Variants in RAB6B observed in about 807,000 individuals in gnomAD.
RAB6B encodes RAB6B, member RAS oncogene family, also known as ras-related protein Rab-6B.
A neutral mutation model predicts 31.2 loss-of-function variants in RAB6B; 7 were observed. That is an observed-to-expected ratio of 0.22 (90% CI 0.13 to 0.42). The LOEUF (loss-of-function observed/expected upper bound fraction) is 0.42, where lower values mean the gene tolerates loss of function less well. Ranked by LOEUF, RAB6B falls within the 10% of genes least tolerant of loss-of-function variation. The pLI is 1.00. For synonymous variants in RAB6B, 105 were observed against 104.9 expected, an observed-to-expected ratio of 1.00 and a Z score of -0.01; for missense variants, 149 against 280.6, an observed-to-expected ratio of 0.53 and a Z score of 3.35.
intron 7 of RAB6B, 42 bp downstream of exon 7, chr3:133,834,533 T>C: frequency 4.5e-6 from 7 of 1,570,880 alleles, no homozygotes; most frequent in Non-Finnish European, 6.1e-6. Context: ...AATAAATGGC[T>C]TCTATACATC....
chr3:133,849,951 C>G (rs1264189244), intron 2 of RAB6B, among the ~76,000 whole-genome samples: 1 of 152,130 alleles, frequency 6.6e-6, no homozygotes, highest in Non-Finnish European at 1.5e-5. Flanking sequence ...AAATAAGGCA[C>G]AAACAGTCTT....
intron 1 of RAB6B, among the ~76,000 whole-genome samples, chr3:133,884,847 C>T (rs1366122543): frequency 2.1e-5 from 3 of 143,614 alleles, no homozygotes; most frequent in African/African-American, 7.8e-5. Context: ...GGATGGGGGG[C>T]TCACACACCA....
At position 133,841,603 on chromosome 3, in the gene RAB6B, T is replaced by C. The variant is rs1039803494; in HGVS notation, c.183+7A>G. 1.2e-6 allele frequency: 2 copies of C among 1,612,590 alleles called. No individual in the cohort carries two copies. Among genetic ancestry groups the C allele is most frequent in the Non-Finnish European group, 1.7e-6 (2 of 1,179,378 alleles). ...TGCCCCTCCCAGTCCTGATATTAGG[T>C]GCTCACCGTGCGGTCCTCCAAGTAC... On this transcript the variant is annotated splice_region_variant and intron_variant, in intron 3 of 7. Transcript: ENST00000285208.
At chr3:133,889,391 TATATATATA>T (rs1936599356) in intron 1 of RAB6B, among the ~76,000 whole-genome samples, 643 of 33,982 alleles carry the variant, frequency 0.019, 57 homozygotes, top group East Asian at 0.051. Context: ...TATTTTGTTA[TATATATATA>T]TATATATATA....
At chr3:133,836,951 C>G (rs1935745342) in intron 6 of RAB6B, among the ~76,000 whole-genome samples, 1 of 152,214 alleles carries the variant, frequency 6.6e-6, no homozygotes, top group Non-Finnish European at 1.5e-5. Flanking sequence ...CCACACAGGG[C>G]AAACCATCAC....
chr3:133,858,059 A>G (rs1347199191), intron 2 of RAB6B, among the ~76,000 whole-genome samples: 1 of 151,962 alleles, frequency 6.6e-6, no homozygotes, highest in Non-Finnish European at 1.5e-5. Flanking sequence ...CAAACTCCTT[A>G]TCTTTGATCC....
chr3:133,839,384 C>A, intron 5 of RAB6B, 122 bp downstream of exon 5: 1 of 841,964 alleles, frequency 1.2e-6, no homozygotes, highest in Non-Finnish European at 2.0e-6. Flanking sequence ...CTCAAGGGAC[C>A]TTTTCCGGAT....
intron 2 of RAB6B, among the ~76,000 whole-genome samples, chr3:133,857,293 C>T (rs1056260323): frequency 5.3e-5 from 8 of 151,938 alleles, no homozygotes; most frequent in African/African-American, 9.7e-5. Context: ...AGGTGATAGA[C>T]GGGCTAAATT....
chr3:133,872,881 G>A (rs1186733103), intron 1 of RAB6B, among the ~76,000 whole-genome samples: 1 of 152,214 alleles, frequency 6.6e-6, no homozygotes, highest in East Asian at 1.9e-4. Flanking sequence ...GGGATCCAGA[G>A]AAGATGGAAA....
intron 2 of RAB6B, among the ~76,000 whole-genome samples, chr3:133,863,689 C>G (rs183761460): frequency 2.0e-5 from 3 of 152,236 alleles, no homozygotes; most frequent in Non-Finnish European, 4.4e-5. Context: ...CCCACCACCC[C>G]CTACCTCAAC....
In RAB6B at chr3:133,835,627, G is replaced by C. The variant is rs1391589227; in HGVS notation, c.496-986C>G. Among the ~76,000 whole-genome samples the C allele has an allele frequency of 3.9e-5, 6 of 152,050 alleles. No individual in the cohort carries two copies. In the East Asian group the frequency reaches 5.8e-4, roughly 15 times the overall value. On this transcript the variant is annotated intron_variant, in intron 6 of 7. Transcript: ENST00000285208. The stretch of plus-strand genomic sequence containing the variant: ...AGGCACAGAAGACTCTGAACTGCTA[G>C]GTTCTGAATGCCGGTCCCCCTGCAA...
At position 133,841,382 on chromosome 3, in the gene RAB6B, C is replaced by T. The variant is rs1485110148; in HGVS notation, c.192G>A (p.Leu64=). 2 of 1,614,120 alleles carry T rather than the reference C, an allele frequency of 1.2e-6. No individual in the cohort carries two copies. The highest frequency in any genetic ancestry group is 1.7e-5 in the Admixed American group (1 of 60,032). ...CCTGACCAGCTGTGTCCCAGAGCTGCAGTCGCACCTGTCTCAGGGAGGGCA... is the reference window on the plus strand; with the variant it reads ...CCTGACCAGCTGTGTCCCAGAGCTGTAGTCGCACCTGTCTCAGGGAGGGCA... ...TMYLEDRTVR[L]QLWDTAGQER... Residue 64 remains leucine (L), a synonymous_variant, in exon 4 of 8, where the codon CTG becomes CTA. Coordinates refer to ENST00000285208, the MANE Select transcript of RAB6B (RefSeq NM_016577.4).
At chr3:133,865,148 C>T (rs1936218351) in intron 1 of RAB6B, among the ~76,000 whole-genome samples, 1 of 152,224 alleles carries the variant, frequency 6.6e-6, no homozygotes, top group Admixed American at 6.5e-5. Context: ...AATGTCATTT[C>T]CCCATGTCTC....
At chr3:133,864,380 A>T (rs546229148) in intron 2 of RAB6B, among the ~76,000 whole-genome samples, 1 of 152,260 alleles carries the variant, frequency 6.6e-6, no homozygotes, top group South Asian at 2.1e-4. Context: ...CCTCTGAAAA[A>T]TGTTCCCTTT....
At chr3:133,834,087 A>T (rs1935695187) in intron 7 of RAB6B, among the ~76,000 whole-genome samples, 1 of 152,010 alleles carries the variant, frequency 6.6e-6, no homozygotes, top group African/African-American at 2.4e-5. Flanking sequence ...ATGGTCCCAC[A>T]GATCAGTGGG....
In RAB6B at chr3:133,828,250, T is replaced by G. The variant is rs541944734; in HGVS notation, c.*538A>C. On this transcript the variant is annotated 3_prime_UTR_variant, in exon 8 of 8. Coordinates refer to ENST00000285208, the MANE Select transcript of RAB6B (RefSeq NM_016577.4). ...GCTGATGTGTTCAACCAATGTTTGA[T>G]TTAACTGGAGTAGGGCCTAGAGAGT... 1.6e-5 allele frequency: 8 copies of G among 500,532 alleles called. No individual in the cohort carries two copies. In the South Asian group the frequency reaches 2.0e-4, roughly 12 times the overall value. 31.0% of individuals were successfully genotyped at this position (500,532 alleles called of 1,614,324 possible).
chr3:133,894,078 T>C (rs1051472203), intron 1 of RAB6B, among the ~76,000 whole-genome samples: 4 of 152,208 alleles, frequency 2.6e-5, no homozygotes, highest in Non-Finnish European at 5.9e-5. Context: ...GTGACCTCCA[T>C]AACCCTCATG....
chr3:133,835,191 T>A (rs1935715502), intron 6 of RAB6B, among the ~76,000 whole-genome samples: 1 of 152,152 alleles, frequency 6.6e-6, no homozygotes, highest in African/African-American at 2.4e-5. Flanking sequence ...CACAATTTTG[T>A]GGGCTTGTTT....
At chr3:133,846,602 T>C (rs1935911779) in intron 2 of RAB6B, among the ~76,000 whole-genome samples, 1 of 152,158 alleles carries the variant, frequency 6.6e-6, no homozygotes, top group Non-Finnish European at 1.5e-5. Context: ...TAAAACAGGA[T>C]AAATCTGTAA....
Sources: allele counts gnomAD v4.1 joint callset (sites outside exome capture counted in the v4.1 genomes callset), GRCh38; gene constraint gnomAD v4.1.1; transcripts MANE v1.5; gene names NCBI Gene and HGNC (gene_info 2026-07-23, HGNC 2026-07-21).